Variants in PHF20L1 observed in about 807,000 individuals in gnomAD.
PHF20L1 encodes PHD finger protein 20 like 1.
A neutral mutation model predicts 125.5 loss-of-function variants in PHF20L1; 44 were observed. That is an observed-to-expected ratio of 0.35 (90% CI 0.28 to 0.45). The LOEUF (loss-of-function observed/expected upper bound fraction) is 0.45, where lower values mean the gene tolerates loss of function less well. PHF20L1 is among the 20% of genes least tolerant of loss of function. The probability of loss-of-function intolerance (pLI) is 1.00; values close to 1 mark genes in which losing one functional copy is unlikely to be tolerated. For synonymous variants in PHF20L1, 380 were observed against 403.1 expected (o/e 0.94, Z 0.69); for missense variants, 1,012 against 1,217.2 (o/e 0.83, Z 2.51).
chr8:132,775,777 T>A, intron 1 of PHF20L1, 132 bp downstream of exon 1: 1 of 232,908 alleles, frequency 4.3e-6, no homozygotes. Context: ...GCCGGCCCTA[T>A]TGTCTGGGCG....
chr8:132,810,171 A>G (rs1298890504), intron 8 of PHF20L1: 1 of 151,276 alleles, frequency 6.6e-6, no homozygotes, highest in African/African-American at 2.4e-5. Context: ...CAGCCTCCCG[A>G]GTAGCTTGGA....
intron 16 of PHF20L1, 89 bp downstream of exon 16, chr8:132,836,810 G>A (rs1837405886): frequency 1.1e-5 from 10 of 912,564 alleles, no homozygotes; most frequent in Non-Finnish European, 1.7e-5. Flanking sequence ...TTTACTGACT[G>A]TACTACTGAA....
chr8:132,798,435 T>C (rs1319993044), intron 4 of PHF20L1, among the ~76,000 whole-genome samples: 2 of 152,170 alleles, frequency 1.3e-5, no homozygotes, highest in South Asian at 2.1e-4. Context: ...GGAAATATTA[T>C]ATATTTTTGT....
chr8:132,832,067 T>G (rs1326169461), intron 14 of PHF20L1, among the ~76,000 whole-genome samples, 168 bp from the exon 15 acceptor site: 1 of 152,108 alleles, frequency 6.6e-6, no homozygotes, highest in Non-Finnish European at 1.5e-5. Context: ...TCCCAAGTGT[T>G]CTTGCTAAAC....
intron 18 of PHF20L1, chr8:132,841,880 C>G (rs1047470036): frequency 6.6e-6 from 1 of 152,058 alleles, no homozygotes; most frequent in East Asian, 1.9e-4. Flanking sequence ...GTTGGCTCGA[C>G]TGGTACATTT....
At chr8:132,836,806 G>C (rs919806155) in intron 16 of PHF20L1, 85 bp downstream of exon 16, 2 of 948,524 alleles carry the variant, frequency 2.1e-6, no homozygotes, top group African/African-American at 3.3e-5. Context: ...TTTCTTTACT[G>C]ACTGTACTAC....
At chr8:132,796,117 T>G (rs1035790738) in intron 4 of PHF20L1, among the ~76,000 whole-genome samples, 1 of 152,050 alleles carries the variant, frequency 6.6e-6, no homozygotes, top group South Asian at 2.1e-4. Context: ...TTAAACTGAG[T>G]CTTGAAAGAC....
intron 10 of PHF20L1, chr8:132,815,602 T>C (rs1353070680): frequency 2.0e-5 from 3 of 151,878 alleles, no homozygotes; most frequent in East Asian, 1.9e-4. Flanking sequence ...TTTTGCTCTT[T>C]ATGCAAAAAA....
At chr8:132,820,515 A>G (rs1471109170) in intron 12 of PHF20L1, among the ~76,000 whole-genome samples, 1 of 151,904 alleles carries the variant, frequency 6.6e-6, no homozygotes, top group Non-Finnish European at 1.5e-5. Flanking sequence ...TAAGTGCCTG[A>G]ATAGGTGTAA....
At chr8:132,804,069 C>A in intron 7 of PHF20L1, 37 bp downstream of exon 7, 2 of 1,328,554 alleles carry the variant, frequency 1.5e-6, no homozygotes, top group Non-Finnish European at 2.2e-6. Context: ...CCTTATGACA[C>A]TGGTAAACTC....
intron 20 of PHF20L1, among the ~76,000 whole-genome samples, chr8:132,845,278 T>G (rs1838320576): frequency 6.6e-6 from 1 of 152,034 alleles, no homozygotes; most frequent in African/African-American, 2.4e-5. Context: ...GTTAAAATAG[T>G]GGAACTGAAA....
Position 132,848,398 on chromosome 8 carries a change from C to G in PHF20L1, c.*2475C>G, listed in dbSNP as rs968164422. ...GAGAGTGAATTAGTTTCTGAGAAGT[C>G]AGTCTATTGTGAAAAGTTTCAGATG... On this transcript the variant is annotated 3_prime_UTR_variant, in exon 21 of 21. Coordinates refer to ENST00000395386, the MANE Select transcript of PHF20L1 (RefSeq NM_016018.5). 1 of 152,512 alleles carries G rather than the reference C, an allele frequency of 6.6e-6. No homozygotes were observed. Among genetic ancestry groups the G allele is most frequent in the Non-Finnish European group, 1.5e-5 (1 of 67,962 alleles). 9.4% of individuals were successfully genotyped at this position (152,512 alleles called of 1,614,324 possible). A position where few individuals can be genotyped will look rare whatever the true frequency, so the allele number is the denominator to read the frequency against.
At chr8:132,825,982 G>A in intron 14 of PHF20L1, among the ~76,000 whole-genome samples, 1 of 151,854 alleles carries the variant, frequency 6.6e-6, no homozygotes, top group East Asian at 1.9e-4. Flanking sequence ...CTAAATTTAT[G>A]GTAATTTCTT....
rs59028418 is a variant in PHF20L1, at chr8:132,831,092, A to G, written c.1745-1143A>G. Among the ~76,000 whole-genome samples the G allele has an allele frequency of 9.4e-3, 1,425 of 151,876 alleles. 20 individuals are homozygous for G. Among genetic ancestry groups the G allele is most frequent in the African/African-American group, 0.033 (1,351 of 41,420 alleles). ...GCCTCTGAACTGTCCCCCCACTTCT[A>G]TGTGTGCCTTCCTGCATTCCATCCT... On this transcript the variant is annotated intron_variant, in intron 14 of 20. Coordinates refer to ENST00000395386, the MANE Select transcript of PHF20L1 (RefSeq NM_016018.5).
chr8:132,824,187 C>T (rs235441), intron 13 of PHF20L1, 127 bp downstream of exon 13: 250,762 of 567,576 alleles, frequency 0.44, 56,583 homozygotes, highest in South Asian at 0.51. Flanking sequence ...GTTTTAGTTC[C>T]TACTAGTGTT....
chr8:132,777,710 A>G (rs1563771192), intron 1 of PHF20L1, 82 bp from the exon 2 acceptor site: 5 of 650,016 alleles, frequency 7.7e-6, no homozygotes, highest in Non-Finnish European at 1.4e-5. Context: ...AATTCTGTTT[A>G]ATTTTAATTT....
chr8:132,776,526 A>T (rs1227982298), intron 1 of PHF20L1, among the ~76,000 whole-genome samples: 2 of 152,104 alleles, frequency 1.3e-5, no homozygotes, highest in African/African-American at 4.8e-5. Flanking sequence ...ATGCTCTAAT[A>T]TTTGCTTATA....
chr8:132,825,223 G>A, intron 13 of PHF20L1, 41 bp from the exon 14 acceptor site: 1 of 1,589,488 alleles, frequency 6.3e-7, no homozygotes, highest in Non-Finnish European at 8.6e-7. Context: ...AACAACTCAG[G>A]ATCAGTCGTG....
chr8:132,829,207 G>C (rs1230515112), intron 14 of PHF20L1, among the ~76,000 whole-genome samples: 1 of 151,984 alleles, frequency 6.6e-6, no homozygotes, highest in Non-Finnish European at 1.5e-5. Flanking sequence ...TTTACAATCA[G>C]ATTCTGCTTC....
Sources: gnomAD v4.1 joint callset for allele counts (sites outside exome capture counted in the v4.1 genomes callset) on GRCh38, gnomAD v4.1.1 for gene constraint, MANE v1.5 for transcripts, NCBI Gene and HGNC (gene_info 2026-07-23, HGNC 2026-07-21) for gene names.